The following NFIB variants were observed in gnomAD, a reference collection of about 807,000 sequenced individuals.
NFIB encodes the protein nuclear factor I B, also known as nuclear factor 1 B-type.
In NFIB, 11 loss-of-function variants were observed where a neutral mutation model predicts 61.5. That is an observed-to-expected ratio of 0.18 (90% CI 0.11 to 0.30). The LOEUF (loss-of-function observed/expected upper bound fraction) is 0.30. Among genes scored for constraint, NFIB ranks in the 10% least tolerant of loss-of-function variants. The probability of loss-of-function intolerance (pLI) is 1.00; values close to 1 mark genes in which losing one functional copy is unlikely to be tolerated. For missense variants in NFIB, 471 were observed against 608.9 expected (o/e 0.77, Z 2.38); for synonymous variants, 260 against 216.5 (o/e 1.20, Z -1.76).
chr9:14,255,244 A>C (rs2056106393), intron 2 of NFIB, among the ~76,000 whole-genome samples: 1 of 152,148 alleles, frequency 6.6e-6, no homozygotes, highest in Non-Finnish European at 1.5e-5. Flanking sequence ...GAAAGAAAGA[A>C]AAAAGAAACT....
intron 2 of NFIB, among the ~76,000 whole-genome samples, chr9:14,229,605 G>A (rs1169666090): frequency 2.0e-5 from 3 of 152,084 alleles, no homozygotes; most frequent in Non-Finnish European, 4.4e-5. Context: ...TTTCTGCTGA[G>A]GAAGAAGAAG....
the NFIB span, among the ~76,000 whole-genome samples, chr9:14,426,824 C>T: frequency 1.3e-5 from 2 of 152,320 alleles, no homozygotes; most frequent in African/African-American, 2.4e-5. Context: ...TGGGGAACCT[C>T]TGACAGCTCC....
At chr9:14,396,546 G>C (rs1284837692) in intron 1 of NFIB, among the ~76,000 whole-genome samples, 2 of 151,116 alleles carry the variant, frequency 1.3e-5, no homozygotes, top group Non-Finnish European at 2.9e-5. Context: ...TGGGCTTTGG[G>C]GAAAAAAAAA....
intron 4 of NFIB, among the ~76,000 whole-genome samples, chr9:14,153,626 A>T (rs2043090553): frequency 6.6e-6 from 1 of 152,102 alleles, no homozygotes; most frequent in Non-Finnish European, 1.5e-5. Context: ...CAAAAGAGAG[A>T]TCACTATCCT....
At position 14,333,718 on chromosome 9, in the gene NFIB, C is replaced by T. The variant is rs572200368; in HGVS notation, c.109-26198G>A. Among the ~76,000 whole-genome samples the T allele has an allele frequency of 2.0e-5, 3 of 152,014 alleles. No homozygotes were observed. The East Asian group carries it at 5.8e-4, about 29-fold the overall frequency. On this transcript the variant is annotated intron_variant, in intron 1 of 8. Transcript: ENST00000380934. ...CATACCATTGAATATTATATAACAC[C>T]GAGAAGAACAACCTTCTATATAATG...
At chr9:14,258,969 C>G (rs140964548) in intron 2 of NFIB, among the ~76,000 whole-genome samples, 2 of 152,266 alleles carry the variant, frequency 1.3e-5, no homozygotes, top group East Asian at 3.9e-4. Flanking sequence ...CAGTGCTCCT[C>G]AAACCACGTT....
At chr9:14,151,451 A>C (rs2042862374) in intron 4 of NFIB, among the ~76,000 whole-genome samples, 2 of 152,120 alleles carry the variant, frequency 1.3e-5, no homozygotes, top group African/African-American at 4.8e-5. Flanking sequence ...ATATTGGGCA[A>C]CAAGCTGGGT....
chr9:14,415,775 C>T, the NFIB span, among the ~76,000 whole-genome samples: 6 of 152,158 alleles, frequency 3.9e-5, no homozygotes, highest in African/African-American at 1.4e-4. Context: ...CCTTAAATCC[C>T]TCAAGTCCCA....
intron 1 of NFIB, among the ~76,000 whole-genome samples, chr9:14,352,907 T>C (rs1424795345): frequency 1.3e-5 from 2 of 152,236 alleles, no homozygotes; most frequent in East Asian, 3.9e-4. Flanking sequence ...ATTGTGTCCG[T>C]TTGTGTCTAT....
chr9:14,186,339 G>A (rs890867173), intron 2 of NFIB, among the ~76,000 whole-genome samples: 2 of 152,108 alleles, frequency 1.3e-5, no homozygotes, highest in Non-Finnish European at 2.9e-5. Flanking sequence ...TTAAGCAGGT[G>A]AAGAAATAGC....
the NFIB span, among the ~76,000 whole-genome samples, chr9:14,433,721 C>G: frequency 0.019 from 2,918 of 152,192 alleles, 35 homozygotes; most frequent in Non-Finnish European, 0.026. Context: ...ATCATATTAC[C>G]CATCAGTGCA....
intron 1 of NFIB, among the ~76,000 whole-genome samples, chr9:14,321,124 C>T (rs1394131896): frequency 6.6e-6 from 1 of 152,088 alleles, no homozygotes; most frequent in Non-Finnish European, 1.5e-5. Flanking sequence ...GCTGCCAAGT[C>T]CTCACACACT....
intron 10 of NFIB, among the ~76,000 whole-genome samples, chr9:14,091,117 A>T (rs1401806084): frequency 1.3e-5 from 2 of 151,958 alleles, no homozygotes; most frequent in Non-Finnish European, 2.9e-5. Flanking sequence ...CTGTTTATGA[A>T]CCTTTGGGGG....
chr9:14,531,746 C>T, the NFIB span, among the ~76,000 whole-genome samples: 1 of 151,804 alleles, frequency 6.6e-6, no homozygotes, highest in South Asian at 2.1e-4. Context: ...AAGGCCTATG[C>T]CCCCGGCCAC....
chr9:14,291,785 A>G (rs995822728), intron 2 of NFIB, among the ~76,000 whole-genome samples: 3 of 151,012 alleles, frequency 2.0e-5, no homozygotes, highest in African/African-American at 7.2e-5. Flanking sequence ...CTTTTCTTTA[A>G]AAATCTGACT....
At chr9:14,423,899 C>T in the NFIB span, among the ~76,000 whole-genome samples, 13 of 152,160 alleles carry the variant, frequency 8.5e-5, no homozygotes, top group Non-Finnish European at 4.4e-5. Context: ...CATTCCTTAA[C>T]CATGACCCAT....
intron 2 of NFIB, among the ~76,000 whole-genome samples, chr9:14,257,997 A>C (rs1435890039): frequency 1.3e-5 from 2 of 152,202 alleles, no homozygotes; most frequent in Non-Finnish European, 2.9e-5. Context: ...AAACTGTCTG[A>C]GCAGTGTGGA....
the NFIB span, among the ~76,000 whole-genome samples, chr9:14,521,767 C>T: frequency 6.6e-6 from 1 of 152,158 alleles, no homozygotes; most frequent in African/African-American, 2.4e-5. Flanking sequence ...ATCACTCAGT[C>T]CCTAAATGAT....
At chr9:14,135,400 T>C (rs10114939) in intron 6 of NFIB, among the ~76,000 whole-genome samples, 13,574 of 152,186 alleles carry the variant, frequency 0.089, 1,803 homozygotes, top group African/African-American at 0.29. Flanking sequence ...AATGTAACAT[T>C]TGCAATTTAG....
Sources: gnomAD v4.1 joint callset for allele counts (sites outside exome capture counted in the v4.1 genomes callset) on GRCh38, gnomAD v4.1.1 for gene constraint, MANE v1.5 for transcripts, NCBI Gene and HGNC (gene_info 2026-07-23, HGNC 2026-07-21) for gene names.